Variants in BAHCC1 observed in about 807,000 individuals in gnomAD.
BAHCC1 encodes the protein BAH and coiled-coil domain-containing protein 1.
In BAHCC1, 43 loss-of-function variants were observed where a neutral mutation model predicts 88.2. That is an observed-to-expected ratio of 0.49 (90% CI 0.38 to 0.63). The LOEUF (loss-of-function observed/expected upper bound fraction) is 0.63, where lower values mean the gene tolerates loss of function less well. Ranked by LOEUF, BAHCC1 falls within the 20% of genes least tolerant of loss-of-function variation. The probability of loss-of-function intolerance (pLI) is 0.00; values close to 1 mark genes in which losing one functional copy is unlikely to be tolerated. For synonymous variants in BAHCC1, 1,510 were observed against 745.5 expected (o/e 2.03, Z -16.71); for missense variants, 3,023 against 1,654.8 (o/e 1.83, Z -14.34).
intron 26 of BAHCC1, 62 bp downstream of exon 26, chr17:81,462,108 C>T (rs973171167): frequency 1.3e-5 from 9 of 671,630 alleles, no homozygotes; most frequent in Admixed American, 4.7e-5. Context: ...CGGGCTCATG[C>T]GCCCCTGCTG....
Position 81,461,338 on chromosome 17 carries a change from G to T in BAHCC1, c.6675G>T (p.Ala2225=), listed in dbSNP as rs782003601. Residue 2225 remains alanine (A), a synonymous_variant, in exon 26 of 28, where the codon GCG becomes GCT. Transcript: ENST00000675386. ...VTSPKNKTCK[A]LLMGDKDFSP... ...CCCCCAAGAACAAGACCTGCAAGGC[G>T]TTGCTCATGGGGGACAAGGACTTCA... is the stretch of plus-strand genomic sequence containing the variant. 1 of 733,178 alleles carries T rather than the reference G, an allele frequency of 1.4e-6. No individual in the cohort carries two copies. The highest frequency in any genetic ancestry group is 2.5e-5 in the East Asian group (1 of 40,448). 45.4% of individuals were successfully genotyped at this position (733,178 alleles called of 1,614,324 possible).
Position 81,434,468 on chromosome 17 carries a change from G to A in BAHCC1, c.359-3902G>A, listed in dbSNP as rs1450176192. ...GAAGGTTTTGTCCTCAAAGGCGTGC[G>A]GGCTGGGGCAGGGCGCTCGAGGTGT... On this transcript the variant is annotated intron_variant, in intron 3 of 27. Transcript: ENST00000675386. The surrounding 1 kb of genome is among the most constrained non-coding windows in gnomAD (Gnocchi z 4.9). Among the ~76,000 whole-genome samples, 4 of 152,202 alleles carry A rather than the reference G, an allele frequency of 2.6e-5. No homozygotes were observed. The highest frequency in any genetic ancestry group is 6.5e-5 in the Admixed American group (1 of 15,290).
At chr17:81,444,882 C>A (rs2064494057) in intron 8 of BAHCC1, 56 bp downstream of exon 8, 2 of 724,382 alleles carry the variant, frequency 2.8e-6, no homozygotes, top group East Asian at 2.6e-5. Context: ...GAAGGAGGGG[C>A]AGCCGGGGGT....
intron 2 of BAHCC1, among the ~76,000 whole-genome samples, chr17:81,426,097 TAGTGGTGGGTGATGTGGTTGGTGGTGATA>T (rs2143406321): frequency 7.0e-6 from 1 of 141,904 alleles, no homozygotes; most frequent in Non-Finnish European, 1.5e-5. Context: ...TTGGTGGTGA[TAGTGGTGGGTGATGTGGTTGGTGGTGATA>T]GTGGTTGGTG....
chr17:81,439,989 A>G (rs1381646277), intron 4 of BAHCC1, among the ~76,000 whole-genome samples: 2 of 152,142 alleles, frequency 1.3e-5, no homozygotes, highest in African/African-American at 4.8e-5. Flanking sequence ...GCTAAGGCTC[A>G]GGAGGGCCTT....
Position 81,445,625 on chromosome 17 carries a change from A to T in BAHCC1, c.3107A>T (p.Glu1036Val). 1 of 733,634 alleles carries T rather than the reference A, an allele frequency of 1.4e-6. No individual in the cohort carries two copies. The highest frequency in any genetic ancestry group is 2.5e-6 in the Non-Finnish European group (1 of 395,054). 45.4% of individuals were successfully genotyped at this position (733,634 alleles called of 1,614,324 possible). A position where few individuals can be genotyped will look rare whatever the true frequency, so the allele number is the denominator to read the frequency against. ...PGPGSRVRSA[E>V]EKNGEGQQST... ...CCTGGCTCCCGGGTGCGCAGCGCCG[A>T]GGAAAAGAATGGGGAGGGTCAGCAG... Residue 1036 changes from glutamate to valine, a missense_variant, in exon 10 of 28, where the codon GAG becomes GTG. Glu to Val is a moderately radical substitution (Grantham distance 121, BLOSUM62 -2). Transcript: ENST00000675386.
chr17:81,407,824 C>G (rs1198659041), intron 2 of BAHCC1, among the ~76,000 whole-genome samples: 1 of 152,208 alleles, frequency 6.6e-6, no homozygotes, highest in Non-Finnish European at 1.5e-5. Flanking sequence ...GTGCTCACAC[C>G]ATGAGGCAGG....
At chr17:81,407,620 C>T (rs1304598825) in intron 2 of BAHCC1, among the ~76,000 whole-genome samples, 1 of 152,220 alleles carries the variant, frequency 6.6e-6, no homozygotes, top group Non-Finnish European at 1.5e-5. Context: ...CAGGTCCCCT[C>T]TCAGGCATGA....
Position 81,460,919 on chromosome 17 carries a change from C to A in BAHCC1, c.6256C>A (p.His2086Asn), listed in dbSNP as rs1258793830. 1.3e-6 allele frequency: 1 copy of A among 768,688 alleles called. No homozygotes were observed. Among genetic ancestry groups the A allele is most frequent in the Non-Finnish European group, 2.4e-6 (1 of 417,902 alleles). 47.6% of individuals were successfully genotyped at this position (768,688 alleles called of 1,614,324 possible). A position where few individuals can be genotyped will look rare whatever the true frequency, so the allele number is the denominator to read the frequency against. ...GAKSPTGASD[H>N]FLGRRGSPLL... ...CAAATCCCCCACGGGGGCCTCCGAC[C>A]ACTTCCTGGGCCGCCGTGGCAGCCC... The change falls in exon 26 of 28, where the codon CAC becomes AAC. Residue 2086 changes from histidine to asparagine, a missense_variant. His to Asn is a moderately conservative substitution (Grantham distance 68, BLOSUM62 1). Transcript: ENST00000675386.
chr17:81,441,687 AAAAG>A, intron 4 of BAHCC1, 140 bp from the exon 5 acceptor site: 4 of 429,544 alleles, frequency 9.3e-6, no homozygotes, highest in African/African-American at 8.1e-5. Context: ...AAAAAAAAAA[AAAAG>A]AGCAAAAACC....
chr17:81,446,680 C>T, intron 10 of BAHCC1: 1 of 417,440 alleles, frequency 2.4e-6, no homozygotes, highest in Admixed American at 2.5e-5. Flanking sequence ...TCCTGTGTAG[C>T]TTGGACCACA....
chr17:81,458,403 G>A lies in BAHCC1; in HGVS notation c.5280G>A (p.Gln1760=). The A allele has an allele frequency of 1.3e-6, 1 of 743,322 alleles. No homozygotes were observed. Among genetic ancestry groups the A allele is most frequent in the Non-Finnish European group, 2.5e-6 (1 of 403,294 alleles). 46.0% of individuals were successfully genotyped at this position (743,322 alleles called of 1,614,324 possible). A position where few individuals can be genotyped will look rare whatever the true frequency, so the allele number is the denominator to read the frequency against. The change falls in exon 18 of 28, where the codon CAG becomes CAA. Residue 1760 remains glutamine, a synonymous_variant. Coordinates refer to ENST00000675386, the MANE Select transcript of BAHCC1 (RefSeq NM_001377448.1). ...RAFACREEGS[Q]LASERLKRAT... is the part of the protein sequence containing the mutation. ...TCGCCTGCCGTGAGGAGGGCAGCCA[G>A]CTGGCCAGTGAGCGCCTCAAGAGGG...
At chr17:81,400,989 C>T (rs1386052563) in intron 2 of BAHCC1, 1 of 152,368 alleles carries the variant, frequency 6.6e-6, no homozygotes, top group Admixed American at 6.5e-5. Flanking sequence ...TTGTTCTAAA[C>T]ATCAGAAATG....
At chr17:81,441,663 C>T (rs1257149809) in intron 4 of BAHCC1, among the ~76,000 whole-genome samples, 168 bp from the exon 5 acceptor site, 1 of 112,708 alleles carries the variant, frequency 8.9e-6, no homozygotes, top group Non-Finnish European at 1.9e-5. Context: ...AGCGAGACTC[C>T]GTCTCAAAAA....
intron 2 of BAHCC1, among the ~76,000 whole-genome samples, chr17:81,414,909 C>T (rs140198004): frequency 9.6e-4 from 146 of 152,312 alleles, no homozygotes; most frequent in African/African-American, 3.2e-3. Context: ...CTCCGTCTCC[C>T]ACCCCGGCCT....
At chr17:81,441,533 G>T (rs186180251) in intron 4 of BAHCC1, among the ~76,000 whole-genome samples, 39 of 152,176 alleles carry the variant, frequency 2.6e-4, no homozygotes, top group African/African-American at 9.1e-4. Context: ...CTGGTGGCGG[G>T]CTCCTGTAGT....
At chr17:81,454,436 C>T (rs1331011688) in intron 14 of BAHCC1, among the ~76,000 whole-genome samples, 1 of 152,218 alleles carries the variant, frequency 6.6e-6, no homozygotes, top group Admixed American at 6.5e-5. Context: ...GAATTCCATC[C>T]TTAAGACCCG....
Position 81,442,827 on chromosome 17 carries a change from A to T in BAHCC1, c.1478A>T (p.Tyr493Phe). ...AAAAGCGGTCTGGACAAAAGCGGCT[A>T]CTTCGAGTTGCCCACCTCTTCACAG... ...LPKSGLDKSG[Y>F]FELPTSSQDC... Residue 493 changes from tyrosine (Y) to phenylalanine (F), a missense_variant, in exon 5 of 28, where the codon TAC becomes TTC. Physicochemically the swap from Tyr to Phe is conservative, Grantham distance 22 (BLOSUM62 3). Transcript: ENST00000675386. 1.3e-6 allele frequency: 1 copy of T among 779,562 alleles called. No individual in the cohort carries two copies. Among genetic ancestry groups the T allele is most frequent in the Non-Finnish European group, 2.4e-6 (1 of 417,922 alleles). The allele number at this position is 779,562 out of a possible 1,614,324, so 48.3% of individuals were successfully genotyped here. A position where few individuals can be genotyped will look rare whatever the true frequency, so the allele number is the denominator to read the frequency against.
chr17:81,465,318 T>C lies in BAHCC1; in HGVS notation c.*1501T>C, dbSNP rs1403250796. The C allele has an allele frequency of 2.0e-5, 3 of 152,176 alleles. No individual in the cohort carries two copies. Among genetic ancestry groups the C allele is most frequent in the Non-Finnish European group, 4.4e-5 (3 of 68,054 alleles). The allele number at this position is 152,176 out of a possible 1,614,324, so 9.4% of individuals were successfully genotyped here. A position where few individuals can be genotyped will look rare whatever the true frequency, so the allele number is the denominator to read the frequency against. On this transcript the variant is annotated 3_prime_UTR_variant, in exon 28 of 28. Coordinates refer to ENST00000675386, the MANE Select transcript of BAHCC1 (RefSeq NM_001377448.1). ...ATGGGCTAGTGCTTGGGGCATAGAA[T>C]GAGGGTCCCCCTGACCACCTGAGCC... is the stretch of plus-strand genomic sequence containing the variant.
Sources: gnomAD v4.1 joint callset for allele counts (sites outside exome capture counted in the v4.1 genomes callset) on GRCh38, gnomAD v4.1.1 for gene constraint, Gnocchi (gnomAD v3.1) non-coding constraint, MANE v1.5 for transcripts, NCBI Gene and HGNC (gene_info 2026-07-23, HGNC 2026-07-21) for gene names.